TOP6BL: variants seen among roughly 807,000 people sequenced by gnomAD.
The protein encoded by TOP6BL is type 2 DNA topoisomerase 6 subunit B-like.
chr11:66,796,164 G>A, the TOP6BL span: 7 of 712,540 alleles, frequency 9.8e-6, no homozygotes, highest in African/African-American at 3.6e-5. Flanking sequence ...TCTCCCTTTG[G>A]TTGTCCAAAA....
chr11:66,796,785 G>GAAA, the TOP6BL span, among the ~76,000 whole-genome samples: 25 of 95,434 alleles, frequency 2.6e-4, no homozygotes, highest in African/African-American at 8.8e-4. Context: ...CCTGTCTTTG[G>GAAA]AAAAAAAAAA....
chr11:66,782,073 A>C, the TOP6BL span, among the ~76,000 whole-genome samples: 2 of 152,100 alleles, frequency 1.3e-5, no homozygotes, highest in Non-Finnish European at 2.9e-5. Context: ...GCATTTTTCA[A>C]ACTCTTCTAA....
the TOP6BL span, among the ~76,000 whole-genome samples, chr11:66,832,309 C>A: frequency 1.3e-5 from 2 of 152,086 alleles, no homozygotes; most frequent in African/African-American, 4.8e-5. Flanking sequence ...ACTGTGTTGG[C>A]CAGGATGGTC....
chr11:66,760,229 TA>T, the TOP6BL span, among the ~76,000 whole-genome samples: 1 of 150,542 alleles, frequency 6.6e-6, no homozygotes. Flanking sequence ...GCAGGCAGAT[TA>T]CCTAGGTCAG....
chr11:66,808,615 A>G, the TOP6BL span, among the ~76,000 whole-genome samples: 1 of 152,238 alleles, frequency 6.6e-6, no homozygotes, highest in African/African-American at 2.4e-5. Context: ...ACTGTAAAAT[A>G]TGAAATACCT....
At chr11:66,822,537 C>T in the TOP6BL span, 2 of 1,398,182 alleles carry the variant, frequency 1.4e-6, no homozygotes, top group African/African-American at 1.4e-5. Flanking sequence ...TTCATGCAGT[C>T]TCCCCCTTAC....
At chr11:66,797,212 C>T in the TOP6BL span, among the ~76,000 whole-genome samples, 2 of 151,748 alleles carry the variant, frequency 1.3e-5, no homozygotes, top group Admixed American at 6.6e-5. Context: ...GTTGGCCAGG[C>T]TGGTCTCAAA....
At chr11:66,838,724 A>C in the TOP6BL span, among the ~76,000 whole-genome samples, 26 of 151,842 alleles carry the variant, frequency 1.7e-4, no homozygotes, top group Non-Finnish European at 3.8e-4. Context: ...CAGGGCCCTG[A>C]ATTTTATTTT....
the TOP6BL span, among the ~76,000 whole-genome samples, chr11:66,757,341 A>G: frequency 6.6e-6 from 1 of 152,094 alleles, no homozygotes; most frequent in Non-Finnish European, 1.5e-5. Context: ...TGTCTCAGTG[A>G]AAAATAAAAT....
At chr11:66,843,217 C>G in the TOP6BL span, 115 of 1,610,470 alleles carry the variant, frequency 7.1e-5, no homozygotes, top group Non-Finnish European at 9.7e-5. Context: ...GTGGCTGAGT[C>G]CCAGCCCTGG....
the TOP6BL span, among the ~76,000 whole-genome samples, chr11:66,755,288 T>G: frequency 6.6e-6 from 1 of 152,056 alleles, no homozygotes; most frequent in African/African-American, 2.4e-5. Flanking sequence ...GCCTGGCTAA[T>G]TTTTGTATTT....
At chr11:66,778,514 C>T in the TOP6BL span, among the ~76,000 whole-genome samples, 9 of 152,120 alleles carry the variant, frequency 5.9e-5, no homozygotes, top group East Asian at 5.8e-4. Flanking sequence ...GAATAGCCAA[C>T]GCCATATTGA....
At chr11:66,744,876 G>C in the TOP6BL span, 10 of 1,302,788 alleles carry the variant, frequency 7.7e-6, no homozygotes, top group Non-Finnish European at 9.8e-6. Flanking sequence ...CGTTGCCGCT[G>C]TTCCCTGCGC....
At chr11:66,786,481 T>C in the TOP6BL span, among the ~76,000 whole-genome samples, 1 of 152,198 alleles carries the variant, frequency 6.6e-6, no homozygotes, top group Non-Finnish European at 1.5e-5. Flanking sequence ...CATTTAACTG[T>C]AGTCAACCTA....
chr11:66,843,280 C>G, the TOP6BL span: 3 of 1,598,526 alleles, frequency 1.9e-6, no homozygotes, highest in Non-Finnish European at 1.7e-6. Flanking sequence ...AGGCTGCGGG[C>G]AGCCGTTATC....
At chr11:66,771,140 A>G in the TOP6BL span, 1 of 150,762 alleles carries the variant, frequency 6.6e-6, no homozygotes, top group African/African-American at 2.4e-5. Context: ...AGGTTATCCA[A>G]ATGGCACTTC....
At chr11:66,774,433 C>T in the TOP6BL span, among the ~76,000 whole-genome samples, 1 of 151,776 alleles carries the variant, frequency 6.6e-6, no homozygotes, top group Admixed American at 6.6e-5. Flanking sequence ...TTTTCAGAAT[C>T]GTCTTTGGTG....
At chr11:66,801,164 G>A in the TOP6BL span, 206 of 1,528,226 alleles carry the variant, frequency 1.3e-4, no homozygotes, top group Non-Finnish European at 1.3e-4. Flanking sequence ...GTACGAATGT[G>A]GGTAGAAATT....
chr11:66,757,200 G>A, the TOP6BL span, among the ~76,000 whole-genome samples: 117 of 152,026 alleles, frequency 7.7e-4, no homozygotes, highest in Middle Eastern at 0.014. Flanking sequence ...AAAATTAGTC[G>A]GGCGCGGTGG....
Sources: gnomAD v4.1 joint callset for allele counts (sites outside exome capture counted in the v4.1 genomes callset) on GRCh38, gnomAD v4.1.1 for gene constraint, MANE v1.5 for transcripts, NCBI Gene and HGNC (gene_info 2026-07-23, HGNC 2026-07-21) for gene names.